TOM1L1: variants seen among roughly 807,000 people sequenced by gnomAD.
TOM1L1 encodes the protein TOM1-like protein 1.
A neutral mutation model predicts 63.4 loss-of-function variants in TOM1L1; 64 were observed. The observed-to-expected ratio is 1.01, with a 90% CI of 0.83 to 1.24. TOM1L1 has a LOEUF of 1.24. TOM1L1 is among the 50% of genes most tolerant of loss of function. The probability of loss-of-function intolerance (pLI) is 0.00; values close to 1 mark genes in which losing one functional copy is unlikely to be tolerated. For synonymous variants in TOM1L1, 166 were observed against 194.4 expected, an observed-to-expected ratio of 0.85 and a Z score of 1.22; for missense variants, 536 against 567.0, an observed-to-expected ratio of 0.95 and a Z score of 0.55.
chr17:54,957,876 T>C (rs2076988202), intron 14 of TOM1L1: 1 of 152,216 alleles, frequency 6.6e-6, no homozygotes, highest in Non-Finnish European at 1.5e-5. Flanking sequence ...AGGTTAAACG[T>C]AGTATGGATA....
chr17:54,936,609 T>G, intron 8 of TOM1L1, 40 bp from the exon 9 acceptor site: 1 of 1,529,124 alleles, frequency 6.5e-7, no homozygotes, highest in Admixed American at 2.1e-5. Context: ...CATTTTCATA[T>G]ATTTTTTTAA....
At chr17:54,934,226 C>T (rs952405152) in intron 8 of TOM1L1, among the ~76,000 whole-genome samples, 1 of 152,300 alleles carries the variant, frequency 6.6e-6, no homozygotes, top group African/African-American at 2.4e-5. Context: ...GGAGTTTTCT[C>T]TTAGGCAAAT....
rs141567240 is a variant in TOM1L1 at position 54,915,805 on chromosome 17, C to T, written c.663C>T (p.Ala221=). The T allele has an allele frequency of 1.8e-5, 29 of 1,613,400 alleles. No individual in the cohort carries two copies. The highest frequency in any genetic ancestry group is 8.8e-5 in the South Asian group (8 of 91,000). ...AAATGAATGTGCGAGTGATGTCCGC[C>T]ATATTGATGGAGAATACTCCTGGGT... The part of the protein sequence containing the change: ...MVKMNVRVMS[A]ILMENTPGSE... The change falls in exon 7 of 16, where the codon GCC becomes GCT. Residue 221 remains alanine (A), a synonymous_variant. Coordinates refer to ENST00000575882, the MANE Select transcript of TOM1L1 (RefSeq NM_005486.3).
rs573369983 is a variant in TOM1L1 at position 54,931,769 on chromosome 17, C to T, written c.854+1563C>T. Reference sequence around the variant, plus strand: ...AGTGATCCAAGATCGTGCCACTGCACTCCAGCCTGGGTGACAGAGTGAGAC... The same window carrying T: ...AGTGATCCAAGATCGTGCCACTGCATTCCAGCCTGGGTGACAGAGTGAGAC... On this transcript the variant is annotated intron_variant, in intron 8 of 15. Transcript: ENST00000575882. Among the ~76,000 whole-genome samples, 7 of 151,420 alleles carry T rather than the reference C, an allele frequency of 4.6e-5. No individual in the cohort carries two copies. In the East Asian group the frequency reaches 1.2e-3, roughly 26 times the overall value.
intron 7 of TOM1L1, among the ~76,000 whole-genome samples, chr17:54,919,057 A>G (rs971105533): frequency 6.6e-6 from 1 of 152,164 alleles, no homozygotes; most frequent in Non-Finnish European, 1.5e-5. Flanking sequence ...CTATCACTGG[A>G]CTTAGTTTAT....
At position 54,939,013 on chromosome 17, in the gene TOM1L1, A is replaced by C. The variant is rs750818010; in HGVS notation, c.1123A>C (p.Ile375Leu). ...CTTGCTAGCCTTGGAGAATACAGAG[A>C]TACCCCCGTAAGTATGTCAGTAACA... is the stretch of plus-strand genomic sequence containing the variant. Reference protein sequence around the residue: ...MNLLALENTEIPPFAQRTSQN... With the variant: ...MNLLALENTELPPFAQRTSQN... The change falls in exon 11 of 16, where the codon ATA becomes CTA. Residue 375 changes from isoleucine to leucine, a missense_variant. By Grantham distance (5) the Ile-to-Leu change is conservative (BLOSUM62 2). Coordinates refer to ENST00000575882, the MANE Select transcript of TOM1L1 (RefSeq NM_005486.3). The C allele has an allele frequency of 1.3e-6, 2 of 1,598,248 alleles. No individual in the cohort carries two copies. The highest frequency in any genetic ancestry group is 1.7e-6 in the Non-Finnish European group (2 of 1,166,616).
intron 11 of TOM1L1, among the ~76,000 whole-genome samples, chr17:54,945,229 C>T (rs1336880136): frequency 1.3e-5 from 2 of 152,138 alleles, no homozygotes; most frequent in Non-Finnish European, 2.9e-5. Context: ...TTATGGCCCA[C>T]CCAGATAATA....
At chr17:54,957,848 G>T (rs1244057606) in intron 14 of TOM1L1, 2 of 152,166 alleles carry the variant, frequency 1.3e-5, no homozygotes, top group Admixed American at 6.5e-5. Flanking sequence ...CAAGAAACAT[G>T]CTCCCTTGTC....
Position 54,961,358 on chromosome 17 carries a change from T to A in TOM1L1, c.*125T>A. ...ACATGTCAAAGCCATGGTGGCACATTTCTGCTATAATGAAGATTAAATAGA... is the reference window on the plus strand; with the variant it reads ...ACATGTCAAAGCCATGGTGGCACATATCTGCTATAATGAAGATTAAATAGA... On this transcript the variant is annotated 3_prime_UTR_variant, in exon 16 of 16. Coordinates refer to ENST00000575882, the MANE Select transcript of TOM1L1 (RefSeq NM_005486.3). The A allele has an allele frequency of 6.4e-7, 1 of 1,551,244 alleles. No individual in the cohort carries two copies. Among genetic ancestry groups the A allele is most frequent in the Non-Finnish European group, 8.7e-7 (1 of 1,146,788 alleles).
At chr17:54,930,347 G>T in intron 8 of TOM1L1, 141 bp downstream of exon 8, 2 of 1,190,602 alleles carry the variant, frequency 1.7e-6, no homozygotes, top group Non-Finnish European at 2.4e-6. Context: ...TGGCATGTGG[G>T]GTGGGACAGT....
In TOM1L1 at chr17:54,931,954, T is replaced by TG. The variant is rs1598033493; in HGVS notation, c.854+1748_854+1749insG. On this transcript the variant is annotated intron_variant, in intron 8 of 15. Transcript: ENST00000575882. ...TTTCTTTTTCTTTTTTCTTCGTTTT[T>TG]TTTTTGTTTGTTTGTTTGTTTGTTT... Among the ~76,000 whole-genome samples the TG allele has an allele frequency of 6.9e-5, 8 of 115,222 alleles. No homozygotes were observed. The Admixed American group carries it at 7.4e-4, about 11-fold the overall frequency. 75.6% of individuals were successfully genotyped at this position (115,222 alleles called of 152,430 possible).
intron 3 of TOM1L1, among the ~76,000 whole-genome samples, chr17:54,907,208 T>C (rs1392811658): frequency 6.7e-6 from 1 of 148,534 alleles, no homozygotes; most frequent in Non-Finnish European, 1.5e-5. Context: ...GGTCACAGAA[T>C]GGAGAAGACG....
At chr17:54,940,635 G>A (rs530370974) in intron 11 of TOM1L1, among the ~76,000 whole-genome samples, 29 of 152,188 alleles carry the variant, frequency 1.9e-4, no homozygotes, top group African/African-American at 7.0e-4. Flanking sequence ...TCTAGCTGGG[G>A]GATAAAAGTA....
chr17:54,903,849 G>A (rs2143721211), intron 2 of TOM1L1, 57 bp downstream of exon 2: 1 of 1,469,260 alleles, frequency 6.8e-7, no homozygotes, highest in Non-Finnish European at 9.5e-7. Context: ...CAGAACTACA[G>A]CACGTTTTCT....
intron 14 of TOM1L1, among the ~76,000 whole-genome samples, chr17:54,950,808 T>C (rs1170056340): frequency 1.3e-5 from 2 of 152,238 alleles, no homozygotes; most frequent in East Asian, 1.9e-4. Flanking sequence ...AAAATGTGCA[T>C]TTAAAAAATT....
chr17:54,914,215 C>T (rs1367919013), intron 5 of TOM1L1, among the ~76,000 whole-genome samples: 2 of 152,078 alleles, frequency 1.3e-5, no homozygotes, highest in East Asian at 3.9e-4. Context: ...GGAGATGTGG[C>T]ATTGACCCAA....
chr17:54,947,406 C>T (rs1306746302), intron 12 of TOM1L1, 94 bp downstream of exon 12: 1 of 1,429,382 alleles, frequency 7.0e-7, no homozygotes, highest in Non-Finnish European at 9.8e-7. Flanking sequence ...ATGTTCTGCT[C>T]AGTATTGTGT....
chr17:54,930,634 G>A (rs2048843436), intron 8 of TOM1L1, among the ~76,000 whole-genome samples: 1 of 152,112 alleles, frequency 6.6e-6, no homozygotes, highest in Non-Finnish European at 1.5e-5. Context: ...GAGGTCAGGA[G>A]TTCGAAACCA....
intron 8 of TOM1L1, among the ~76,000 whole-genome samples, chr17:54,932,144 CA>C (rs1381005858): frequency 6.6e-6 from 1 of 151,986 alleles, no homozygotes; most frequent in Non-Finnish European, 1.5e-5. Flanking sequence ...TTTATTCGGC[CA>C]GGGGCATTGG....
Sources: allele counts gnomAD v4.1 joint callset (sites outside exome capture counted in the v4.1 genomes callset), GRCh38; gene constraint gnomAD v4.1.1; transcripts MANE v1.5; gene names NCBI Gene and HGNC (gene_info 2026-07-23, HGNC 2026-07-21).